WDR49: variants seen among roughly 807,000 people sequenced by gnomAD.
The protein encoded by WDR49 is cilia- and flagella-associated protein 337.
A neutral mutation model predicts 119.5 loss-of-function variants in WDR49; 107 were observed. That is an observed-to-expected ratio of 0.90 (90% CI 0.77 to 1.05). The LOEUF is 1.05. Ranked by LOEUF, WDR49 falls within the 50% of genes least tolerant of loss-of-function variation. WDR49 has a pLI of 0.00. For synonymous variants in WDR49, 425 were observed against 418.8 expected (o/e 1.01, Z -0.18); for missense variants, 1,240 against 1,220.5 (o/e 1.02, Z -0.24).
intron 16 of WDR49, 82 bp from the exon 17 acceptor site, chr3:167,505,498 C>CA (rs1353470244): frequency 1.1e-4 from 147 of 1,348,994 alleles, no homozygotes; most frequent in Admixed American, 2.2e-4. Context: ...TATCTTTGAC[C>CA]AAAAAAAACA....
intron 5 of WDR49, among the ~76,000 whole-genome samples, chr3:167,616,876 G>A (rs760154389): frequency 1.1e-4 from 17 of 152,136 alleles, no homozygotes; most frequent in Non-Finnish European, 2.5e-4. Flanking sequence ...GGATACTAAG[G>A]TGAATGAGGA....
chr3:167,624,509 G>A (rs187347069), intron 3 of WDR49, among the ~76,000 whole-genome samples: 3 of 151,982 alleles, frequency 2.0e-5, no homozygotes, highest in African/African-American at 7.2e-5. Flanking sequence ...AAATTTTTGA[G>A]GGTGATTAAT....
chr3:167,499,194 A>G (rs564167539), intron 18 of WDR49, among the ~76,000 whole-genome samples: 27 of 152,320 alleles, frequency 1.8e-4, no homozygotes, highest in Non-Finnish European at 2.9e-4. Flanking sequence ...TTCAACAACA[A>G]CAAAAATGTT....
chr3:167,655,032 T>C (rs1237558697), upstream of WDR49, among the ~76,000 whole-genome samples: 1 of 152,010 alleles, frequency 6.6e-6, no homozygotes, highest in Non-Finnish European at 1.5e-5. Context: ...AATGAAGACA[T>C]ACCTGAGACT....
At chr3:167,526,427 C>A (rs1752631012) in intron 15 of WDR49, among the ~76,000 whole-genome samples, 1 of 152,140 alleles carries the variant, frequency 6.6e-6, no homozygotes, top group Non-Finnish European at 1.5e-5. Context: ...GTTGTTCAAA[C>A]CTCCACCTCA....
intron 8 of WDR49, among the ~76,000 whole-genome samples, chr3:167,574,144 G>T (rs900489600): frequency 5.9e-5 from 9 of 152,122 alleles, no homozygotes; most frequent in African/African-American, 2.2e-4. Context: ...CCTGTGATGA[G>T]CACCTGTCCA....
At chr3:167,618,021 T>C (rs1048379050) in intron 5 of WDR49, among the ~76,000 whole-genome samples, 7 of 152,196 alleles carry the variant, frequency 4.6e-5, no homozygotes, top group African/African-American at 1.4e-4. Flanking sequence ...CCATTTGACC[T>C]ATTTGTTTCT....
chr3:167,520,675 C>G (rs942585035), intron 16 of WDR49, among the ~76,000 whole-genome samples: 5 of 152,034 alleles, frequency 3.3e-5, no homozygotes, highest in African/African-American at 1.2e-4. Context: ...TATGTGTCAG[C>G]GGAGGTTCAA....
At chr3:167,540,488 G>C (rs1711748713) in intron 10 of WDR49, among the ~76,000 whole-genome samples, 1 of 152,068 alleles carries the variant, frequency 6.6e-6, no homozygotes, top group African/African-American at 2.4e-5. Context: ...TAGGGGAAGG[G>C]GAAGGGACAG....
intron 2 of WDR49, among the ~76,000 whole-genome samples, chr3:167,646,337 CT>C (rs1448954989): frequency 6.6e-6 from 1 of 152,124 alleles, no homozygotes; most frequent in Non-Finnish European, 1.5e-5. Context: ...GAAATATTTT[CT>C]GCTATCTCTG....
intron 7 of WDR49, among the ~76,000 whole-genome samples, chr3:167,595,377 T>C (rs1430865463): frequency 2.0e-5 from 3 of 152,134 alleles, no homozygotes; most frequent in African/African-American, 7.2e-5. Flanking sequence ...ACTTTAAAGT[T>C]CATATGGAAC....
At chr3:167,556,930 CAGG>C (rs1322188264) in intron 9 of WDR49, among the ~76,000 whole-genome samples, 1 of 152,132 alleles carries the variant, frequency 6.6e-6, no homozygotes, top group Non-Finnish European at 1.5e-5. Flanking sequence ...GAGGCTGAAG[CAGG>C]AGAATAGCTT....
chr3:167,525,932 T>G (rs527310916), intron 15 of WDR49, among the ~76,000 whole-genome samples: 1 of 151,990 alleles, frequency 6.6e-6, no homozygotes, highest in East Asian at 1.9e-4. Flanking sequence ...CTCCTTTCTG[T>G]TTCTTCTTCC....
chr3:167,642,979 G>A (rs1377553689), intron 2 of WDR49, among the ~76,000 whole-genome samples: 1 of 151,974 alleles, frequency 6.6e-6, no homozygotes, highest in Admixed American at 6.6e-5. Context: ...TGAAAGAGAA[G>A]AGGGGCCGAA....
At chr3:167,552,356 T>C (rs1319955500) in intron 10 of WDR49, among the ~76,000 whole-genome samples, 1 of 152,068 alleles carries the variant, frequency 6.6e-6, no homozygotes, top group African/African-American at 2.4e-5. Flanking sequence ...AAGCACAAGT[T>C]AGAAGGCTGT....
At chr3:167,625,638 G>C (rs1559922349) in intron 3 of WDR49, among the ~76,000 whole-genome samples, 1 of 151,862 alleles carries the variant, frequency 6.6e-6, no homozygotes. Flanking sequence ...CATGGATCTA[G>C]GAATAATCAG....
At chr3:167,646,503 C>A (rs1718136469) in intron 2 of WDR49, among the ~76,000 whole-genome samples, 1 of 152,050 alleles carries the variant, frequency 6.6e-6, no homozygotes, top group Non-Finnish European at 1.5e-5. Flanking sequence ...AGAAAGGGTT[C>A]GAAGCAGCAT....
rs569111623 is a variant in WDR49 at position 167,593,718 on chromosome 3, A to G, written c.1275+8409T>C. 1.8e-4 allele frequency among the ~76,000 whole-genome samples: 28 copies of G among 152,102 alleles called. No individual in the cohort carries two copies. In the East Asian group the frequency reaches 5.1e-3, roughly 28 times the overall value. The stretch of plus-strand genomic sequence containing the variant: ...GAGTTAGGTGTTTATTGTAGTCTTC[A>G]CTGTCTTGGCTTATTGGTAGCTATC... On this transcript the variant is annotated intron_variant, in intron 7 of 18. Transcript: ENST00000682715.
chr3:167,497,830 T>C (rs1285740744), intron 18 of WDR49, among the ~76,000 whole-genome samples: 1 of 152,094 alleles, frequency 6.6e-6, no homozygotes, highest in Non-Finnish European at 1.5e-5. Context: ...GTTTCATGTC[T>C]GTTTGTGGCT....
Sources: gnomAD v4.1 joint callset for allele counts (sites outside exome capture counted in the v4.1 genomes callset) on GRCh38, gnomAD v4.1.1 for gene constraint, MANE v1.5 for transcripts, NCBI Gene and HGNC (gene_info 2026-07-23, HGNC 2026-07-21) for gene names.